SNAP29: variants seen among roughly 807,000 people sequenced by gnomAD.
The protein encoded by SNAP29 is synaptosomal-associated protein 29.
A neutral mutation model predicts 27.9 loss-of-function variants in SNAP29; 13 were observed. That is an observed-to-expected ratio of 0.47 (90% CI 0.30 to 0.74). The LOEUF is 0.74. Ranked by LOEUF, SNAP29 falls within the 30% of genes least tolerant of loss-of-function variation. The pLI, the probability that SNAP29 is intolerant of heterozygous loss-of-function variation, is 0.06. For missense variants in SNAP29, 368 were observed against 336.5 expected (o/e 1.09, Z -0.73); for synonymous variants, 119 against 127.1 (o/e 0.94, Z 0.43).
rs1928774539 is a variant in SNAP29 at position 20,877,429 on chromosome 22, A to G, written c.435-3620A>G. 2.0e-5 allele frequency among the ~76,000 whole-genome samples: 3 copies of G among 152,266 alleles called. No individual in the cohort carries two copies. In the East Asian group the frequency reaches 5.8e-4, roughly 29 times the overall value. ...AAATGAGCCAAGCAAGGTGGCACAC[A>G]CCTGTAATCTCAGCTACTTGGGAGG... On this transcript the variant is annotated intron_variant, in intron 2 of 4. Coordinates refer to ENST00000215730, the MANE Select transcript of SNAP29 (RefSeq NM_004782.4).
chr22:20,864,002 T>C (rs1440566891), intron 1 of SNAP29, among the ~76,000 whole-genome samples: 1 of 152,230 alleles, frequency 6.6e-6, no homozygotes, highest in Non-Finnish European at 1.5e-5. Flanking sequence ...TTATGCAGCC[T>C]GTCCCCTAAT....
At chr22:20,877,865 G>A (rs1490727498) in intron 2 of SNAP29, among the ~76,000 whole-genome samples, 1 of 152,224 alleles carries the variant, frequency 6.6e-6, no homozygotes, top group East Asian at 1.9e-4. Context: ...AGGCTGAAAG[G>A]TGGCCAGGCA....
At chr22:20,870,896 G>A (rs1928575296) in intron 2 of SNAP29, 5 of 336,736 alleles carry the variant, frequency 1.5e-5, no homozygotes, top group South Asian at 1.2e-4. Flanking sequence ...CGACACTTCA[G>A]GATGCCAAGG....
At chr22:20,859,731 G>T in intron 1 of SNAP29, 1 of 288,310 alleles carries the variant, frequency 3.5e-6, no homozygotes. Context: ...TCTGGCACAG[G>T]GTTTTGGCCA....
At chr22:20,880,379 C>T (rs1928861813) in intron 2 of SNAP29, among the ~76,000 whole-genome samples, 1 of 151,846 alleles carries the variant, frequency 6.6e-6, no homozygotes, top group Non-Finnish European at 1.5e-5. Flanking sequence ...CTGCCTATAA[C>T]TGTAATATCC....
At chr22:20,878,494 C>T (rs191503904) in intron 2 of SNAP29, among the ~76,000 whole-genome samples, 65 of 152,136 alleles carry the variant, frequency 4.3e-4, no homozygotes, top group Non-Finnish European at 7.2e-4. Flanking sequence ...AGGAGAATGG[C>T]GTGAACCCAG....
intron 1 of SNAP29, among the ~76,000 whole-genome samples, chr22:20,863,839 G>C (rs984247108): frequency 2.0e-5 from 3 of 152,062 alleles, no homozygotes; most frequent in Non-Finnish European, 4.4e-5. Flanking sequence ...AGATAATGCC[G>C]TGGATAAAAA....
chr22:20,890,138 TC>T lies in SNAP29; in HGVS notation c.*2306del, dbSNP rs1040963696. 5 of 396,634 alleles carry T rather than the reference TC, an allele frequency of 1.3e-5. No homozygotes were observed. Among genetic ancestry groups the T allele is most frequent in the African/African-American group, 1.0e-4 (5 of 48,592 alleles). 24.6% of individuals were successfully genotyped at this position (396,634 alleles called of 1,614,324 possible). A position where few individuals can be genotyped will look rare whatever the true frequency, so the allele number is the denominator to read the frequency against. ...CGAGCTGGTCCTTTCTGCCACTTCTTCCCCACTCCCATGCCCAGGAAGGCCT... is the reference window on the plus strand; with the variant it reads ...CGAGCTGGTCCTTTCTGCCACTTCTTCCCACTCCCATGCCCAGGAAGGCCT... On this transcript the variant is annotated 3_prime_UTR_variant, in exon 5 of 5. Transcript: ENST00000215730.
chr22:20,859,075 CCTT>C lies in SNAP29; in HGVS notation c.-33_-31del, dbSNP rs760300447. 10 of 1,533,546 alleles carry C rather than the reference CCTT, an allele frequency of 6.5e-6. No homozygotes were observed. The highest frequency in any genetic ancestry group is 5.4e-5 in the African/African-American group (4 of 73,822). The allele number at this position is 1,533,546 out of a possible 1,614,324, so 95.0% of individuals were successfully genotyped here. ...GGACGGCGGCGGCAGTGGGGCTCCT[CCTT>C]CTGTTTCCCAGACCGAGAGCCGCGC... On this transcript the variant is annotated 5_prime_UTR_variant, in exon 1 of 5. Transcript: ENST00000215730.
At chr22:20,882,283 G>A (rs952081026) in intron 3 of SNAP29, among the ~76,000 whole-genome samples, 1 of 151,582 alleles carries the variant, frequency 6.6e-6, no homozygotes, top group Non-Finnish European at 1.5e-5. Context: ...CCAAGCAGAA[G>A]GAGCAGCAGC....
chr22:20,886,276 C>T (rs1316855538), intron 4 of SNAP29, among the ~76,000 whole-genome samples: 1 of 151,812 alleles, frequency 6.6e-6, no homozygotes, highest in Non-Finnish European at 1.5e-5. Flanking sequence ...GCATGAGCCA[C>T]TGTGCCTGAC....
In SNAP29 at chr22:20,870,456, G is replaced by C; in HGVS notation, c.357G>C (p.Leu119=). 6.2e-7 allele frequency: 1 copy of C among 1,614,146 alleles called. No homozygotes were observed. Among genetic ancestry groups the C allele is most frequent in the South Asian group, 1.1e-5 (1 of 91,084 alleles). ...GCATTAAGAGCGTGTTTGGGGGGCT[G>C]GTCAATTACTTCAAATCCAAACCAG... is the stretch of plus-strand genomic sequence containing the variant. The part of the protein sequence containing the change: ...INSIKSVFGG[L]VNYFKSKPVE... The change falls in exon 2 of 5, where the codon CTG becomes CTC. Residue 119 remains leucine (L), a synonymous_variant. Transcript: ENST00000215730.
intron 2 of SNAP29, among the ~76,000 whole-genome samples, chr22:20,871,881 CAAAA>C (rs202046422): frequency 7.2e-6 from 1 of 138,926 alleles, no homozygotes; most frequent in Non-Finnish European, 1.6e-5. Context: ...GACTCCGTCT[CAAAA>C]AAAAAAAAAT....
intron 1 of SNAP29, among the ~76,000 whole-genome samples, chr22:20,864,250 C>T (rs1928404392): frequency 6.6e-6 from 1 of 152,132 alleles, no homozygotes; most frequent in Admixed American, 6.6e-5. Flanking sequence ...ACAGTAACAT[C>T]AATGGAAAGG....
chr22:20,874,259 G>A (rs1050330064), intron 2 of SNAP29, among the ~76,000 whole-genome samples: 1 of 150,638 alleles, frequency 6.6e-6, no homozygotes, highest in Non-Finnish European at 1.5e-5. Flanking sequence ...CTGAGATCAC[G>A]CCACTGCACT....
intron 1 of SNAP29, chr22:20,859,607 C>G: frequency 1.8e-6 from 1 of 540,864 alleles, no homozygotes. Flanking sequence ...TTACGCCTAG[C>G]TCACGGGGAA....
At position 20,870,462 on chromosome 22, in the gene SNAP29, T is replaced by G; in HGVS notation, c.363T>G (p.Asn121Lys). ...AGAGCGTGTTTGGGGGGCTGGTCAA[T>G]TACTTCAAATCCAAACCAGTAGAGA... ...SIKSVFGGLV[N>K]YFKSKPVETP... is the part of the protein sequence containing the mutation. The change falls in exon 2 of 5, where the codon AAT becomes AAG. Residue 121 changes from asparagine to lysine, a missense_variant. By Grantham distance (94) the Asn-to-Lys change is moderately conservative (BLOSUM62 0). Transcript: ENST00000215730. 6.2e-7 allele frequency: 1 copy of G among 1,614,162 alleles called. No individual in the cohort carries two copies. The highest frequency in any genetic ancestry group is 2.2e-5 in the East Asian group (1 of 44,888).
chr22:20,871,737 C>T (rs1928597220), intron 2 of SNAP29, among the ~76,000 whole-genome samples: 1 of 152,050 alleles, frequency 6.6e-6, no homozygotes. Flanking sequence ...AAAAAATTAG[C>T]TGGGCGTGAT....
At position 20,889,928 on chromosome 22, in the gene SNAP29, C is replaced by T. The variant is rs1394638188; in HGVS notation, c.*2092C>T. 2 of 214,428 alleles carry T rather than the reference C, an allele frequency of 9.3e-6. No individual in the cohort carries two copies. The highest frequency in any genetic ancestry group is 1.9e-4 in the South Asian group (1 of 5,386). The allele number at this position is 214,428 out of a possible 1,614,324, so 13.3% of individuals were successfully genotyped here. A position where few individuals can be genotyped will look rare whatever the true frequency, so the allele number is the denominator to read the frequency against. ...TGCTGGACTGATGAAGCCAGTCACCCGCCCTTCTCTGTTTTTTGGTTTTTT... is the reference window on the plus strand; with the variant it reads ...TGCTGGACTGATGAAGCCAGTCACCTGCCCTTCTCTGTTTTTTGGTTTTTT... On this transcript the variant is annotated 3_prime_UTR_variant, in exon 5 of 5. Coordinates refer to ENST00000215730, the MANE Select transcript of SNAP29 (RefSeq NM_004782.4).
Sources: gnomAD v4.1 joint callset for allele counts (sites outside exome capture counted in the v4.1 genomes callset) on GRCh38, gnomAD v4.1.1 for gene constraint, MANE v1.5 for transcripts, NCBI Gene and HGNC (gene_info 2026-07-23, HGNC 2026-07-21) for gene names.